Variants in GASK1B observed in about 807,000 individuals in gnomAD.
GASK1B encodes golgi associated kinase 1B, also known as Golgi-associated kinase 1B.
Under a neutral mutation model 42.8 loss-of-function variants are expected in GASK1B, and 34 were observed. That is an observed-to-expected ratio of 0.79 (90% CI 0.60 to 1.06). The LOEUF (loss-of-function observed/expected upper bound fraction) is 1.06. GASK1B is among the 50% of genes least tolerant of loss of function. The pLI, the probability that GASK1B is intolerant of heterozygous loss-of-function variation, is 0.00. For synonymous variants in GASK1B, 262 were observed against 259.1 expected (o/e 1.01, Z -0.11); for missense variants, 686 against 661.0 (o/e 1.04, Z -0.42).
intron 4 of GASK1B, among the ~76,000 whole-genome samples, chr4:158,128,755 G>A (rs966399279): frequency 4.6e-5 from 7 of 152,174 alleles, no homozygotes; most frequent in African/African-American, 7.2e-5. Context: ...AGGCCACGGC[G>A]CCGGACTTGC....
chr4:158,130,097 TC>T (rs974249679), intron 4 of GASK1B, among the ~76,000 whole-genome samples: 1 of 152,226 alleles, frequency 6.6e-6, no homozygotes. Context: ...TTGTCGGATG[TC>T]CCCAGATCTT....
In GASK1B at chr4:158,127,416, C is replaced by T; in HGVS notation, c.1551G>A (p.Met517Ile). 6.2e-7 allele frequency: 1 copy of T among 1,612,622 alleles called. No individual in the cohort carries two copies. Among genetic ancestry groups the T allele is most frequent in the Non-Finnish European group, 8.5e-7 (1 of 1,179,176 alleles). The change falls in exon 5 of 5, where the codon ATG (methionine) becomes ATA (isoleucine). Residue 517 changes from methionine (M) to isoleucine (I), a missense_variant. Physicochemically the swap from Met to Ile is conservative, Grantham distance 10. Transcript: ENST00000585682. ...INAHGVKVLP[M>I]NE ...CCAGAAGATTCTTTTGTCATTCATT[C>T]ATAGGTAATACTTTGACCCCGTGTG...
At chr4:158,133,906 T>C (rs1043540723) in intron 3 of GASK1B, among the ~76,000 whole-genome samples, 1 of 152,012 alleles carries the variant, frequency 6.6e-6, no homozygotes, top group African/African-American at 2.4e-5. Flanking sequence ...TGTGTGTGTG[T>C]GTGTGTGTGT....
intron 2 of GASK1B, among the ~76,000 whole-genome samples, chr4:158,156,381 C>G (rs1427056053): frequency 6.6e-6 from 1 of 152,082 alleles, no homozygotes; most frequent in African/African-American, 2.4e-5. Flanking sequence ...AGGTTTTTTT[C>G]TTTCCTGATA....
chr4:158,138,357 TA>T (rs965081693), intron 3 of GASK1B, among the ~76,000 whole-genome samples: 33 of 151,734 alleles, frequency 2.2e-4, no homozygotes, highest in Admixed American at 5.9e-4. Flanking sequence ...ACACTCAGAC[TA>T]AAAAAAAATT....
intron 3 of GASK1B, among the ~76,000 whole-genome samples, chr4:158,133,573 G>A (rs1190295032): frequency 1.9e-4 from 29 of 152,120 alleles, no homozygotes; most frequent in Admixed American, 1.9e-3. Context: ...CAGTACTTCT[G>A]TAAACATTAT....
At chr4:158,169,969 A>AT in intron 2 of GASK1B, 1 of 438,280 alleles carries the variant, frequency 2.3e-6, no homozygotes. Flanking sequence ...TGAAAAAAAA[A>AT]GGGGGGGTTA....
At chr4:158,165,118 A>G (rs948763111) in intron 2 of GASK1B, among the ~76,000 whole-genome samples, 4 of 152,252 alleles carry the variant, frequency 2.6e-5, no homozygotes, top group African/African-American at 9.6e-5. Flanking sequence ...TACATCTTCC[A>G]TGCTGGGCAT....
rs1732471973 is a variant in GASK1B, at chr4:158,170,789, A to C, written c.587T>G (p.Leu196Arg). 6.2e-7 allele frequency: 1 copy of C among 1,614,194 alleles called. No individual in the cohort carries two copies. Among genetic ancestry groups the C allele is most frequent in the South Asian group, 1.1e-5 (1 of 91,086 alleles). ...PGVRAGGPDF[L>R]QPSSRESNIR... is the part of the protein sequence containing the mutation. Reference sequence around the variant, plus strand: ...GTTGCTCTCCCTGGAGCTGGGCTGCAGGAAGTCTGGGCCCCCGGCTCGCAC... The same window carrying C: ...GTTGCTCTCCCTGGAGCTGGGCTGCCGGAAGTCTGGGCCCCCGGCTCGCAC... The change falls in exon 2 of 5, where the codon CTG becomes CGG. Residue 196 changes from leucine (L) to arginine (R), a missense_variant. By Grantham distance (102) the Leu-to-Arg change is moderately radical. Transcript: ENST00000585682.
intron 3 of GASK1B, among the ~76,000 whole-genome samples, chr4:158,143,696 A>T (rs6833198): frequency 0.78 from 118,101 of 152,052 alleles, 47,076 homozygotes; most frequent in East Asian, 0.95. Flanking sequence ...TAAAAATAGT[A>T]ATGTCATGAA....
At chr4:158,140,150 C>CA (rs1340745292) in intron 3 of GASK1B, among the ~76,000 whole-genome samples, 2 of 152,016 alleles carry the variant, frequency 1.3e-5, no homozygotes, top group Non-Finnish European at 2.9e-5. Context: ...TATATCAACA[C>CA]TGAAAAAAGT....
chr4:158,132,952 G>A (rs1730738594), intron 3 of GASK1B, among the ~76,000 whole-genome samples: 1 of 152,160 alleles, frequency 6.6e-6, no homozygotes, highest in Non-Finnish European at 1.5e-5. Context: ...GAGCAAGAGT[G>A]CCCCAAGCAA....
At chr4:158,145,653 C>A (rs2110966509) in intron 3 of GASK1B, among the ~76,000 whole-genome samples, 1 of 152,232 alleles carries the variant, frequency 6.6e-6, no homozygotes, top group East Asian at 1.9e-4. Context: ...TAAAATATTA[C>A]TTTTAATTAT....
At chr4:158,170,047 C>T (rs1732404629) in intron 2 of GASK1B, 1 of 607,332 alleles carries the variant, frequency 1.6e-6, no homozygotes, top group East Asian at 2.8e-5. Context: ...TAACCCGCTT[C>T]CCCCTTACTT....
Position 158,170,920 on chromosome 4 carries a change from C to G in GASK1B, c.456G>C (p.Pro152=), listed in dbSNP as rs957966029. 1.2e-6 allele frequency: 2 copies of G among 1,614,190 alleles called. No individual in the cohort carries two copies. Among genetic ancestry groups the G allele is most frequent in the East Asian group, 4.5e-5 (2 of 44,856 alleles). The part of the protein sequence containing the change: ...QEALVGPSLQ[P]QEAAREADAV... The stretch of plus-strand genomic sequence containing the variant: ...CATCAGCTTCCCTTGCCGCTTCCTG[C>G]GGCTGAAGGGATGGTCCGACCAAAG... Residue 152 remains proline (P), a synonymous_variant, in exon 2 of 5, where the codon CCG becomes CCC. Transcript: ENST00000585682.
intron 2 of GASK1B, chr4:158,159,646 C>T (rs961872686): frequency 6.0e-5 from 16 of 267,318 alleles, no homozygotes; most frequent in Middle Eastern, 4.3e-4. Flanking sequence ...GGTGAGAAAG[C>T]GGGTTTTAAA....
At chr4:158,128,751 C>T (rs572392441) in intron 4 of GASK1B, among the ~76,000 whole-genome samples, 3 of 152,288 alleles carry the variant, frequency 2.0e-5, no homozygotes, top group Admixed American at 6.5e-5. Flanking sequence ...ACAAAGGCCA[C>T]GGCGCCGGAC....
At chr4:158,166,987 T>C (rs763579594) in intron 2 of GASK1B, among the ~76,000 whole-genome samples, 2 of 152,176 alleles carry the variant, frequency 1.3e-5, no homozygotes, top group African/African-American at 2.4e-5. Flanking sequence ...TTGCCTTTCT[T>C]TCATCTCTAA....
chr4:158,146,881 C>T (rs141938833), intron 3 of GASK1B, among the ~76,000 whole-genome samples: 1,774 of 152,130 alleles, frequency 0.012, 21 homozygotes, highest in Non-Finnish European at 0.019. Context: ...CAGTTTATAC[C>T]CCCACGTTTC....
Sources: allele counts gnomAD v4.1 joint callset (sites outside exome capture counted in the v4.1 genomes callset), GRCh38; gene constraint gnomAD v4.1.1; transcripts MANE v1.5; gene names NCBI Gene and HGNC (gene_info 2026-07-23, HGNC 2026-07-21).